DRC9: variants seen among roughly 807,000 people sequenced by gnomAD.
DRC9 encodes the protein dynein regulatory complex subunit 9.
chr3:197,952,423 C>T, the DRC9 span: 1 of 152,216 alleles, frequency 6.6e-6, no homozygotes, highest in South Asian at 2.1e-4. Flanking sequence ...CCACCTCAGC[C>T]TCCCAAAGTG....
the DRC9 span, among the ~76,000 whole-genome samples, chr3:197,928,417 C>T: frequency 2.3e-4 from 34 of 149,746 alleles, no homozygotes; most frequent in African/African-American, 8.1e-4. Context: ...GGCGCAATCT[C>T]GGCTCACTGC....
chr3:197,904,071 C>T, the DRC9 span, among the ~76,000 whole-genome samples: 185 of 45,894 alleles, frequency 4.0e-3, no homozygotes, highest in African/African-American at 6.2e-3. Context: ...TATATACATA[C>T]ATATATATAT....
chr3:197,938,809 A>AT, the DRC9 span: 7,168 of 1,519,298 alleles, frequency 4.7e-3, 274 homozygotes, highest in African/African-American at 0.084. Flanking sequence ...ATTAGAAAGA[A>AT]TTTTTTTAAA....
chr3:197,891,510 A>G, the DRC9 span: 6 of 1,604,446 alleles, frequency 3.7e-6, no homozygotes, highest in South Asian at 2.2e-5. Context: ...CTCCTTTTCT[A>G]TACGATCTTC....
At chr3:197,912,732 G>A in the DRC9 span, 2 of 1,613,752 alleles carry the variant, frequency 1.2e-6, no homozygotes, top group East Asian at 4.5e-5. Context: ...CCTCTTCTTC[G>A]GTTTTCATCC....
At chr3:197,913,826 G>A in the DRC9 span, 1 of 1,546,366 alleles carries the variant, frequency 6.5e-7, no homozygotes, top group Non-Finnish European at 8.9e-7. Context: ...AGGGGATCAG[G>A]AGTGACAGCT....
chr3:197,926,021 T>C, the DRC9 span: 26 of 1,525,534 alleles, frequency 1.7e-5, no homozygotes, highest in African/African-American at 2.7e-5. Context: ...AGGTAATTCT[T>C]ACCTGGACTT....
chr3:197,904,261 A>C, the DRC9 span, among the ~76,000 whole-genome samples: 2 of 151,992 alleles, frequency 1.3e-5, no homozygotes, highest in African/African-American at 2.4e-5. Context: ...CCCCAGTTAA[A>C]ATGGTGTGTA....
chr3:197,937,211 C>T, the DRC9 span, among the ~76,000 whole-genome samples: 1 of 152,130 alleles, frequency 6.6e-6, no homozygotes, highest in Non-Finnish European at 1.5e-5. Context: ...AATGTTACAC[C>T]CTCTTAACAG....
the DRC9 span, among the ~76,000 whole-genome samples, chr3:197,925,725 G>C: frequency 6.6e-6 from 1 of 150,914 alleles, no homozygotes; most frequent in African/African-American, 2.4e-5. Flanking sequence ...CTGGGATTAC[G>C]GGCACCTGCC....
chr3:197,931,920 CGGCCG>C, the DRC9 span, among the ~76,000 whole-genome samples: 1 of 152,036 alleles, frequency 6.6e-6, no homozygotes, highest in Non-Finnish European at 1.5e-5. Context: ...CCACCGCGCC[CGGCCG>C]AATTCAATCT....
chr3:197,938,658 G>C, the DRC9 span: 9 of 1,614,018 alleles, frequency 5.6e-6, no homozygotes, highest in Non-Finnish European at 7.6e-6. Context: ...ACCGGCCTCT[G>C]TGTCTGATTT....
At chr3:197,930,795 G>A in the DRC9 span, among the ~76,000 whole-genome samples, 1 of 151,700 alleles carries the variant, frequency 6.6e-6, no homozygotes, top group African/African-American at 2.4e-5. Context: ...CAGCACTTTG[G>A]GAGGCCGAGG....
the DRC9 span, chr3:197,950,368 G>T: frequency 8.2e-7 from 1 of 1,213,552 alleles, no homozygotes; most frequent in Non-Finnish European, 1.0e-6. Context: ...CAGGATGGAG[G>T]AGATGTTGGG....
chr3:197,911,367 A>T, the DRC9 span, among the ~76,000 whole-genome samples: 5 of 152,184 alleles, frequency 3.3e-5, no homozygotes, highest in African/African-American at 4.8e-5. Flanking sequence ...CATGACTGAG[A>T]TTGGCTTTTA....
chr3:197,899,128 T>C, the DRC9 span, among the ~76,000 whole-genome samples: 1 of 151,332 alleles, frequency 6.6e-6, no homozygotes, highest in African/African-American at 2.5e-5. Context: ...TCAATAATCC[T>C]TTTTTTACAG....
chr3:197,894,749 T>C, the DRC9 span: 1 of 152,326 alleles, frequency 6.6e-6, no homozygotes, highest in South Asian at 2.1e-4. Context: ...TAGAATTTTT[T>C]AAAAACATGG....
chr3:197,952,610 T>A, the DRC9 span: 1 of 152,262 alleles, frequency 6.6e-6, no homozygotes, highest in African/African-American at 2.4e-5. Flanking sequence ...TTATCCTGCC[T>A]CAGCCTCCGA....
At chr3:197,926,115 A>T in the DRC9 span, 6 of 1,435,800 alleles carry the variant, frequency 4.2e-6, no homozygotes, top group Non-Finnish European at 5.9e-6. Context: ...CCTAGAAGAT[A>T]TAAGAATGAT....
Sources: allele counts gnomAD v4.1 joint callset (sites outside exome capture counted in the v4.1 genomes callset), GRCh38; gene constraint gnomAD v4.1.1; transcripts MANE v1.5; gene names NCBI Gene and HGNC (gene_info 2026-07-23, HGNC 2026-07-21).